RGS7: variants seen among roughly 807,000 people sequenced by gnomAD.
RGS7 encodes regulator of G protein signaling 7, also known as regulator of G-protein signaling 7.
In RGS7, 27 loss-of-function variants were observed where a neutral mutation model predicts 81.1. That is an observed-to-expected ratio of 0.33 (90% CI 0.25 to 0.46). RGS7 has a LOEUF of 0.46. RGS7 is among the 20% of genes least tolerant of loss of function. The pLI, the probability that RGS7 is intolerant of heterozygous loss-of-function variation, is 1.00. For missense variants in RGS7, 396 were observed against 607.4 expected, an observed-to-expected ratio of 0.65 and a Z score of 3.66; for synonymous variants, 208 against 207.7, an observed-to-expected ratio of 1.00 and a Z score of -0.01.
chr1:240,798,943 AAG>A (rs1413871826), intron 18 of RGS7, among the ~76,000 whole-genome samples: 3 of 152,186 alleles, frequency 2.0e-5, no homozygotes, highest in Admixed American at 6.6e-5. Context: ...TTACTCCAGT[AAG>A]TCTATCTGAT....
intron 2 of RGS7, among the ~76,000 whole-genome samples, chr1:241,203,235 T>G (rs956328592): frequency 1.3e-5 from 2 of 152,074 alleles, no homozygotes. Flanking sequence ...TCTGCTTCTT[T>G]TTTTATTTTT....
At chr1:241,239,700 A>G (rs766103513) in intron 2 of RGS7, among the ~76,000 whole-genome samples, 4 of 152,194 alleles carry the variant, frequency 2.6e-5, no homozygotes, top group African/African-American at 7.2e-5. Flanking sequence ...TCAAGGGAAC[A>G]GTGGCGACAG....
chr1:241,253,248 T>G (rs913219740), intron 2 of RGS7, among the ~76,000 whole-genome samples: 1 of 152,158 alleles, frequency 6.6e-6, no homozygotes, highest in African/African-American at 2.4e-5. Context: ...AGCAGTAGAT[T>G]ATGATGTCAG....
At chr1:240,798,661 G>T (rs1687479480) in intron 18 of RGS7, among the ~76,000 whole-genome samples, 1 of 152,012 alleles carries the variant, frequency 6.6e-6, no homozygotes, top group South Asian at 2.1e-4. Context: ...TACAAAATGG[G>T]TAAAATAATG....
chr1:241,055,853 C>G (rs1170514414), intron 3 of RGS7, among the ~76,000 whole-genome samples: 1 of 152,162 alleles, frequency 6.6e-6, no homozygotes, highest in African/African-American at 2.4e-5. Context: ...CCAGTCATTT[C>G]CTTTGCATAC....
intron 10 of RGS7, 115 bp from the exon 11 acceptor site, chr1:240,816,530 A>G: frequency 1.4e-6 from 1 of 710,740 alleles, no homozygotes; most frequent in South Asian, 1.6e-5. Flanking sequence ...TTATTTGATT[A>G]AGCTTCTTAA....
chr1:240,936,776 T>A (rs1484045798), intron 4 of RGS7, 70 bp from the exon 5 acceptor site: 2 of 1,165,016 alleles, frequency 1.7e-6, no homozygotes, highest in Non-Finnish European at 2.6e-6. Context: ...GAATGTAACG[T>A]TTTTGTGTGG....
At chr1:241,080,556 T>C (rs556315262) in intron 3 of RGS7, among the ~76,000 whole-genome samples, 21 of 152,332 alleles carry the variant, frequency 1.4e-4, no homozygotes, top group African/African-American at 5.1e-4. Context: ...TTAATAATAA[T>C]GGTAAAAACT....
At position 241,071,374 on chromosome 1, in the gene RGS7, A is replaced by T. The variant is rs574813381; in HGVS notation, c.175+27292T>A. Among the ~76,000 whole-genome samples, 905 of 152,352 alleles carry T rather than the reference A, an allele frequency of 5.9e-3. 3 individuals are homozygous for T. The highest frequency in any genetic ancestry group is 1.0e-2 in the Non-Finnish European group (679 of 68,034). ...ATAGAAAGCTAGATTAGCCTAAAAA[A>T]ATAAAAAAATGTAGAATCTGGTTTA... On this transcript the variant is annotated intron_variant, in intron 3 of 18. Transcript: ENST00000440928.
chr1:241,123,487 A>T lies in RGS7; in HGVS notation c.79-24725T>A, dbSNP rs552430520. On this transcript the variant is annotated intron_variant, in intron 2 of 18. Coordinates refer to ENST00000440928, the MANE Select transcript of RGS7 (RefSeq NM_001364886.1). ...GAACATGGGCCGGACACGGTGGCTC[A>T]CGCCTGTAATCCCAGCACTTTGGGA... 1.2e-3 allele frequency among the ~76,000 whole-genome samples: 179 copies of T among 152,338 alleles called. 2 individuals carry two copies. The highest frequency in any genetic ancestry group is 4.2e-3 in the African/African-American group (174 of 41,580).
intron 2 of RGS7, among the ~76,000 whole-genome samples, chr1:241,185,828 A>C (rs1367249811): frequency 6.6e-6 from 1 of 152,178 alleles, no homozygotes; most frequent in East Asian, 1.9e-4. Context: ...TGTGGTATGC[A>C]TTCAAGACAC....
chr1:240,820,550 T>TGATG (rs1264826923), intron 10 of RGS7, among the ~76,000 whole-genome samples: 1 of 151,932 alleles, frequency 6.6e-6, no homozygotes, highest in Non-Finnish European at 1.5e-5. Flanking sequence ...ACCCCTAATG[T>TGATG]GATGGTATTA....
chr1:241,294,781 A>G (rs1432350147), intron 2 of RGS7, among the ~76,000 whole-genome samples: 1 of 152,186 alleles, frequency 6.6e-6, no homozygotes, highest in Non-Finnish European at 1.5e-5. Context: ...ACAACTGCCT[A>G]TAGTATTCAA....
chr1:241,129,688 T>C (rs1255400886), intron 2 of RGS7, among the ~76,000 whole-genome samples: 1 of 152,146 alleles, frequency 6.6e-6, no homozygotes, highest in Admixed American at 6.5e-5. Flanking sequence ...CCACAGTTAC[T>C]TGGAGAGTTT....
At chr1:240,944,272 G>GTATATA (rs1678121840) in intron 4 of RGS7, among the ~76,000 whole-genome samples, 1 of 37,196 alleles carries the variant, frequency 2.7e-5, no homozygotes, top group Non-Finnish European at 7.0e-5. Flanking sequence ...GTGTGTGTGT[G>GTATATA]TGTGTGTGTG....
chr1:241,186,050 A>T lies in RGS7; in HGVS notation c.79-87288T>A, dbSNP rs113769310. Among the ~76,000 whole-genome samples the T allele has an allele frequency of 1.1e-3, 169 of 152,322 alleles. 1 individual carries two copies. Among genetic ancestry groups the T allele is most frequent in the African/African-American group, 3.7e-3 (152 of 41,584 alleles). On this transcript the variant is annotated intron_variant, in intron 2 of 18. Transcript: ENST00000440928. Reference sequence around the variant, plus strand: ...ATCAAAATCTGGTTCTGAGAAACAAATGAATAAAACTGACAAATTTCTAGC... The same window carrying T: ...ATCAAAATCTGGTTCTGAGAAACAATTGAATAAAACTGACAAATTTCTAGC...
intron 4 of RGS7, among the ~76,000 whole-genome samples, chr1:240,942,580 G>C (rs6660315): frequency 9.5e-4 from 145 of 152,122 alleles, no homozygotes; most frequent in African/African-American, 3.3e-3. Flanking sequence ...ATAAGTATCA[G>C]TAGTGTGTGG....
chr1:241,010,576 T>G (rs902208939), intron 3 of RGS7, among the ~76,000 whole-genome samples: 1 of 152,210 alleles, frequency 6.6e-6, no homozygotes, highest in African/African-American at 2.4e-5. Flanking sequence ...GGATACTTTA[T>G]TTTGCTCTCC....
chr1:240,990,942 G>C (rs977498541), intron 3 of RGS7, among the ~76,000 whole-genome samples: 1 of 152,192 alleles, frequency 6.6e-6, no homozygotes, highest in Non-Finnish European at 1.5e-5. Context: ...TTTCTAGGTT[G>C]TTGCTCTTTA....
Sources: gnomAD v4.1 joint callset for allele counts (sites outside exome capture counted in the v4.1 genomes callset) on GRCh38, gnomAD v4.1.1 for gene constraint, MANE v1.5 for transcripts, NCBI Gene and HGNC (gene_info 2026-07-23, HGNC 2026-07-21) for gene names.